Variants in F13A1 observed in about 807,000 individuals in gnomAD.
F13A1 encodes the protein FSF, A subunit.
F13A1 carries 47 observed loss-of-function variants against 80.1 expected under a neutral mutation model. The ratio of observed to expected loss-of-function variants is 0.59; its 90% CI spans 0.46 to 0.75. The LOEUF is 0.75. Ranked by LOEUF, F13A1 falls within the 30% of genes least tolerant of loss-of-function variation. The pLI is 0.00. For missense variants in F13A1, 817 were observed against 930.4 expected (o/e 0.88, Z 1.59); for synonymous variants, 349 against 344.9 (o/e 1.01, Z -0.13).
At chr6:6,149,338 A>C (rs934486770) in intron 14 of F13A1, among the ~76,000 whole-genome samples, 1 of 152,220 alleles carries the variant, frequency 6.6e-6, no homozygotes, top group Admixed American at 6.5e-5. Flanking sequence ...AAATATGTAG[A>C]ATTACAATGT....
Position 6,318,782 on chromosome 6 carries a change from G to T in F13A1, c.-18-100C>A, listed in dbSNP as rs7754045. The T allele has an allele frequency of 1.8e-4, 233 of 1,266,398 alleles. No individual in the cohort carries two copies. The African/African-American group carries it at 3.2e-3, about 18-fold the overall frequency. The allele number at this position is 1,266,398 out of a possible 1,614,324, so 78.4% of individuals were successfully genotyped here. On this transcript the variant is annotated intron_variant, in intron 1 of 14. Coordinates refer to ENST00000264870, the MANE Select transcript of F13A1 (RefSeq NM_000129.4). ...AATAGAGAAACAGATATATCTGTGT[G>T]TGATAGCACTTGAGCAACACATTTT...
chr6:6,147,522 A>C (rs1173917298), intron 14 of F13A1, among the ~76,000 whole-genome samples: 1 of 152,112 alleles, frequency 6.6e-6, no homozygotes, highest in African/African-American at 2.4e-5. Flanking sequence ...TACCAATATA[A>C]GTTTGGGATA....
intron 13 of F13A1, among the ~76,000 whole-genome samples, chr6:6,157,433 A>ATTT (rs1258770673): frequency 9.0e-6 from 1 of 111,424 alleles, no homozygotes; most frequent in African/African-American, 3.8e-5. Flanking sequence ...AAAAATAGAA[A>ATTT]CTTTTTTTTT....
chr6:6,270,259 T>C (rs1057148561), intron 3 of F13A1, among the ~76,000 whole-genome samples: 2 of 152,156 alleles, frequency 1.3e-5, no homozygotes, highest in African/African-American at 4.8e-5. Flanking sequence ...AGTCTAACAC[T>C]TGAGCCTAAG....
intron 12 of F13A1, among the ~76,000 whole-genome samples, chr6:6,168,534 G>T (rs901429148): frequency 7.2e-5 from 11 of 152,206 alleles, no homozygotes; most frequent in African/African-American, 2.7e-4. Context: ...CCGACAGCTG[G>T]CAGACTCCGC....
At chr6:6,319,731 C>T (rs573996344) in intron 1 of F13A1, among the ~76,000 whole-genome samples, 30 of 152,298 alleles carry the variant, frequency 2.0e-4, no homozygotes, top group African/African-American at 6.7e-4. Context: ...GTTCCAGAGA[C>T]ATGTGGAGCA....
chr6:6,231,152 C>A (rs1354567690), intron 6 of F13A1, among the ~76,000 whole-genome samples: 1 of 151,918 alleles, frequency 6.6e-6, no homozygotes, highest in Non-Finnish European at 1.5e-5. Context: ...AAAAGTGAAG[C>A]CCAATGCAAG....
intron 12 of F13A1, among the ~76,000 whole-genome samples, chr6:6,167,927 A>T (rs1274403058): frequency 6.6e-6 from 1 of 152,228 alleles, no homozygotes; most frequent in Non-Finnish European, 1.5e-5. Context: ...GCAAAGAAGG[A>T]CCAATGGGTT....
chr6:6,244,284 C>T (rs1372351143), intron 6 of F13A1, among the ~76,000 whole-genome samples: 1 of 152,180 alleles, frequency 6.6e-6, no homozygotes, highest in Non-Finnish European at 1.5e-5. Context: ...GAAAAGAAAG[C>T]AGCAATCAAG....
chr6:6,202,991 G>A (rs979143359), intron 8 of F13A1, among the ~76,000 whole-genome samples: 3 of 152,172 alleles, frequency 2.0e-5, no homozygotes, highest in South Asian at 2.1e-4. Context: ...ATTTGTACAC[G>A]GGAAATAATC....
At chr6:6,259,511 T>C (rs1462170244) in intron 4 of F13A1, among the ~76,000 whole-genome samples, 1 of 152,142 alleles carries the variant, frequency 6.6e-6, no homozygotes, top group Non-Finnish European at 1.5e-5. Flanking sequence ...AAAAAGGAAA[T>C]ATTAGATGCT....
chr6:6,238,830 G>A (rs1757448478), intron 6 of F13A1, among the ~76,000 whole-genome samples: 1 of 151,904 alleles, frequency 6.6e-6, no homozygotes, highest in Non-Finnish European at 1.5e-5. Flanking sequence ...CCATTTGATT[G>A]GTTAAAATTA....
chr6:6,208,528 A>T (rs919930298), intron 8 of F13A1, among the ~76,000 whole-genome samples: 1 of 152,228 alleles, frequency 6.6e-6, no homozygotes, highest in African/African-American at 2.4e-5. Context: ...TCAATGAAAG[A>T]TATTATTATG....
intron 3 of F13A1, among the ~76,000 whole-genome samples, chr6:6,296,226 C>A (rs987192915): frequency 6.6e-6 from 1 of 151,890 alleles, no homozygotes; most frequent in African/African-American, 2.4e-5. Flanking sequence ...TTTGGCAATG[C>A]GGGCTCTTTT....
At chr6:6,216,052 C>G (rs1041758180) in intron 8 of F13A1, among the ~76,000 whole-genome samples, 1 of 144,306 alleles carries the variant, frequency 6.9e-6, no homozygotes, top group African/African-American at 2.6e-5. Flanking sequence ...GAAGAACATT[C>G]CATGCGCATG....
At chr6:6,194,591 G>C (rs1761256932) in intron 10 of F13A1, among the ~76,000 whole-genome samples, 1 of 152,074 alleles carries the variant, frequency 6.6e-6, no homozygotes, top group Non-Finnish European at 1.5e-5. Context: ...TTCAGTTCTT[G>C]GCCTCTACTT....
chr6:6,307,171 G>A (rs1382600180), intron 2 of F13A1, among the ~76,000 whole-genome samples: 1 of 152,154 alleles, frequency 6.6e-6, no homozygotes, highest in East Asian at 1.9e-4. Flanking sequence ...GTGGGTCCTA[G>A]GCTTACTGTG....
At chr6:6,271,347 C>T (rs1250706598) in intron 3 of F13A1, among the ~76,000 whole-genome samples, 4 of 152,150 alleles carry the variant, frequency 2.6e-5, no homozygotes, top group Non-Finnish European at 5.9e-5. Flanking sequence ...CCCCAGGAGT[C>T]GGCATGGTTA....
intron 11 of F13A1, among the ~76,000 whole-genome samples, chr6:6,177,235 C>G (rs113212039): frequency 0.026 from 3,916 of 152,204 alleles, 97 homozygotes; most frequent in African/African-American, 0.059. Flanking sequence ...ATAAGAGAGC[C>G]CTTTTATGTT....
Sources: gnomAD v4.1 joint callset for allele counts (sites outside exome capture counted in the v4.1 genomes callset) on GRCh38, gnomAD v4.1.1 for gene constraint, MANE v1.5 for transcripts, NCBI Gene and HGNC (gene_info 2026-07-23, HGNC 2026-07-21) for gene names.